Variants in ADARB2 observed in about 807,000 individuals in gnomAD.
ADARB2 encodes inactive double-stranded RNA-specific editase B2.
A neutral mutation model predicts 62.2 loss-of-function variants in ADARB2; 25 were observed. The observed-to-expected ratio is 0.40, with a 90% CI of 0.29 to 0.56. The LOEUF is 0.56. Among genes scored for constraint, ADARB2 ranks in the 20% least tolerant of loss-of-function variants. The pLI is 0.43. For synonymous variants in ADARB2, 572 were observed against 500.8 expected (o/e 1.14, Z -1.90); for missense variants, 1,071 against 1,077.4 (o/e 0.99, Z 0.08).
At chr10:1,480,717 C>A (rs761840265) in intron 1 of ADARB2, among the ~76,000 whole-genome samples, 11 of 151,858 alleles carry the variant, frequency 7.2e-5, no homozygotes, top group Non-Finnish European at 1.3e-4. Context: ...AAAAAAAGTT[C>A]CATTTATGGT....
rs1453676543 is a variant in ADARB2, at chr10:1,704,009, C to A, written c.100+33042G>T. 6.6e-6 allele frequency among the ~76,000 whole-genome samples: 1 copy of A among 152,204 alleles called. No homozygotes were observed. The highest frequency in any genetic ancestry group is 6.5e-5 in the Admixed American group (1 of 15,280). ...GTTTATTGGATGCTACATTAGCTAT[C>A]TATTGCTTTGTGACAAGTTACCTCA... On this transcript the variant is annotated intron_variant, in intron 1 of 9. Coordinates refer to ENST00000381312, the MANE Select transcript of ADARB2 (RefSeq NM_018702.4). The surrounding 1 kb of genome is among the most constrained non-coding windows in gnomAD (Gnocchi z 5.6).
chr10:1,534,138 T>TG (rs1364906182), intron 1 of ADARB2, among the ~76,000 whole-genome samples: 1 of 85,734 alleles, frequency 1.2e-5, no homozygotes, highest in African/African-American at 4.0e-5. Flanking sequence ...ATTGAAATAG[T>TG]TTTTTTTTTT....
In ADARB2 at chr10:1,402,651, C is replaced by T. The variant is rs556081075; in HGVS notation, c.101-23491G>A. 2.0e-5 allele frequency among the ~76,000 whole-genome samples: 3 copies of T among 152,278 alleles called. No individual in the cohort carries two copies. The East Asian group carries it at 5.8e-4, about 29-fold the overall frequency. On this transcript the variant is annotated intron_variant, in intron 1 of 9. Transcript: ENST00000381312. ...GTGGAGAGTCATCCTGCCTTCCTCG[C>T]CATCAGCTCCCATCTCCTTCTGGTC...
At chr10:1,438,308 G>A (rs1340230279) in intron 1 of ADARB2, among the ~76,000 whole-genome samples, 2 of 148,206 alleles carry the variant, frequency 1.3e-5, no homozygotes, top group African/African-American at 5.0e-5. Context: ...TGGGGCTCCT[G>A]AGTCTCCTTA....
At chr10:1,660,777 C>T (rs1047591282) in intron 1 of ADARB2, among the ~76,000 whole-genome samples, 3 of 152,192 alleles carry the variant, frequency 2.0e-5, no homozygotes, top group Non-Finnish European at 4.4e-5. Context: ...TGTCAGTATA[C>T]GTCTGGCCTT....
intron 1 of ADARB2, among the ~76,000 whole-genome samples, chr10:1,688,312 G>C (rs562752688): frequency 6.6e-6 from 1 of 152,306 alleles, no homozygotes; most frequent in Admixed American, 6.5e-5. Flanking sequence ...CTGCAGCCTT[G>C]GGCATGGGTG....
At chr10:1,716,984 G>A (rs1367530231) in intron 1 of ADARB2, among the ~76,000 whole-genome samples, 3 of 152,098 alleles carry the variant, frequency 2.0e-5, no homozygotes, top group African/African-American at 4.8e-5. Context: ...GCATTAGAGA[G>A]CATGCTTCAT....
intron 1 of ADARB2, among the ~76,000 whole-genome samples, chr10:1,678,828 C>T (rs552675036): frequency 1.3e-5 from 2 of 152,186 alleles, no homozygotes; most frequent in East Asian, 1.9e-4. Context: ...CAAGCCCCCT[C>T]TCCCGGGCAC....
chr10:1,228,727 G>C (rs942201606), intron 6 of ADARB2, among the ~76,000 whole-genome samples: 6 of 152,132 alleles, frequency 3.9e-5, no homozygotes, highest in African/African-American at 1.4e-4. Flanking sequence ...CTTTCCCCTC[G>C]GTCGCATGCG....
intron 3 of ADARB2, among the ~76,000 whole-genome samples, chr10:1,277,070 C>T: frequency 6.6e-6 from 1 of 152,180 alleles, no homozygotes. Context: ...AGAACAAAGA[C>T]ACAACATACC....
At chr10:1,186,626 C>T (rs151324985) in intron 8 of ADARB2, 127 of 506,090 alleles carry the variant, frequency 2.5e-4, no homozygotes, top group African/African-American at 1.9e-3. Context: ...TGCTTGGAGG[C>T]GAGCGGGGCC....
chr10:1,352,861 A>G lies in ADARB2; in HGVS notation c.1077+10167T>C, dbSNP rs140749584. 9.4e-3 allele frequency among the ~76,000 whole-genome samples: 1,433 copies of G among 151,912 alleles called. 23 individuals are homozygous for G. Among genetic ancestry groups the G allele is most frequent in the African/African-American group, 0.033 (1,349 of 41,406 alleles). On this transcript the variant is annotated intron_variant, in intron 3 of 9. Transcript: ENST00000381312. Reference sequence around the variant, plus strand: ...ACTGTATCTCTCTGATCCACCTGACATTCACCCCATTTCCCCATATTTCCT... The same window carrying G: ...ACTGTATCTCTCTGATCCACCTGACGTTCACCCCATTTCCCCATATTTCCT...
At position 1,466,540 on chromosome 10, in the gene ADARB2, G is replaced by T. The variant is rs557587674; in HGVS notation, c.101-87380C>A. On this transcript the variant is annotated intron_variant, in intron 1 of 9. Transcript: ENST00000381312. ...TTCTTTCTCTGGGAATCCTGGGGTG[G>T]GAACCTCACCTAGTGGCTAGGCGGA... Among the ~76,000 whole-genome samples the T allele has an allele frequency of 9.8e-5, 15 of 152,294 alleles. No individual in the cohort carries two copies. In the East Asian group the frequency reaches 1.5e-3, roughly 16 times the overall value.
At position 1,401,172 on chromosome 10, in the gene ADARB2, C is replaced by T. The variant is rs374504772; in HGVS notation, c.101-22012G>A. 7.2e-5 allele frequency among the ~76,000 whole-genome samples: 11 copies of T among 152,190 alleles called. No individual in the cohort carries two copies. The East Asian group carries it at 7.7e-4, about 11-fold the overall frequency. ...GCCCAGCGTCACCCTCCCCACCTCC[C>T]GGATGAGAAGGAGCCTCCGGAGCAG... is the stretch of plus-strand genomic sequence containing the variant. On this transcript the variant is annotated intron_variant, in intron 1 of 9. Transcript: ENST00000381312.
intron 1 of ADARB2, among the ~76,000 whole-genome samples, chr10:1,407,232 C>T (rs544754798): frequency 4.7e-4 from 72 of 152,284 alleles, no homozygotes; most frequent in African/African-American, 1.6e-3. Context: ...CAGGAACAGC[C>T]GGGCAGCACC....
intron 1 of ADARB2, among the ~76,000 whole-genome samples, chr10:1,609,668 G>C (rs888896180): frequency 9.2e-5 from 14 of 152,172 alleles, no homozygotes; most frequent in Admixed American, 5.9e-4. Flanking sequence ...GAACACCCTA[G>C]GAAGACGCTT....
At chr10:1,356,562 G>A (rs1166802084) in intron 3 of ADARB2, among the ~76,000 whole-genome samples, 1 of 152,210 alleles carries the variant, frequency 6.6e-6, no homozygotes, top group East Asian at 1.9e-4. Flanking sequence ...GCACTTAGCT[G>A]ACCTGGGGAT....
At chr10:1,367,730 C>T (rs552579097) in intron 2 of ADARB2, among the ~76,000 whole-genome samples, 154 of 152,272 alleles carry the variant, frequency 1.0e-3, no homozygotes, top group Non-Finnish European at 1.8e-3. Context: ...ATTGATTTCT[C>T]GCAAGGTGGG....
intron 3 of ADARB2, among the ~76,000 whole-genome samples, chr10:1,284,015 G>C (rs1013296713): frequency 5.3e-5 from 8 of 152,198 alleles, no homozygotes; most frequent in African/African-American, 1.9e-4. Context: ...GTGCAGAGTA[G>C]TTATGAGAAA....
Sources: gnomAD v4.1 joint callset for allele counts (sites outside exome capture counted in the v4.1 genomes callset) on GRCh38, gnomAD v4.1.1 for gene constraint, Gnocchi (gnomAD v3.1) non-coding constraint, MANE v1.5 for transcripts, NCBI Gene and HGNC (gene_info 2026-07-23, HGNC 2026-07-21) for gene names.